Variants in OR5A2 observed in about 807,000 individuals in gnomAD.
OR5A2 encodes olfactory receptor 5A2.
For missense variants in OR5A2, 406 were observed against 398.9 expected (o/e 1.02, Z -0.15); for synonymous variants, 155 against 151.1 (o/e 1.03, Z -0.19).
Position 59,420,381 on chromosome 11 carries a change from C to T in OR5A2, c.*1598G>A, listed in dbSNP as rs1052436455. The T allele has an allele frequency of 3.9e-5, 6 of 152,068 alleles. No homozygotes were observed. The highest frequency in any genetic ancestry group is 1.4e-4 in the African/African-American group (6 of 41,424). The allele number at this position is 152,068 out of a possible 1,614,324, so 9.4% of individuals were successfully genotyped here. ...TGCAAAAATTACATTTCCTACCAAA[C>T]TAAGGAAATCTCTTCTATTTCTTCT... On this transcript the variant is annotated 3_prime_UTR_variant, in exon 2 of 2. Coordinates refer to ENST00000302040, the MANE Select transcript of OR5A2 (RefSeq NM_001001954.2).
chr11:59,422,322 G>C lies in OR5A2; in HGVS notation c.632C>G (p.Ser211Cys), dbSNP rs374142436. 1.9e-6 allele frequency: 3 copies of C among 1,614,102 alleles called. No homozygotes were observed. The highest frequency in any genetic ancestry group is 2.2e-5 in the East Asian group (1 of 44,856). The change falls in exon 2 of 2, where the codon TCT becomes TGT. Residue 211 changes from serine (S) to cysteine (C), a missense_variant. Transcript: ENST00000302040. ...FIVSVVVGIV[S>C]VLVVLISYGY... ...ATAAGAGATGAGGACCACTAGCACA[G>C]ACACTATTCCAACGACAACACTGAC...
chr11:59,422,493 A>C lies in OR5A2; in HGVS notation c.461T>G (p.Phe154Cys). 1.9e-6 allele frequency: 3 copies of C among 1,614,180 alleles called. No homozygotes were observed. The highest frequency in any genetic ancestry group is 2.5e-6 in the Non-Finnish European group (3 of 1,180,038). ...GTATGTTTCAATGAAAGAACTAAGGAATCCACCCACATAGGCGCCAACCAC... is the reference window on the plus strand; with the variant it reads ...GTATGTTTCAATGAAAGAACTAAGGCATCCACCCACATAGGCGCCAACCAC... ...KMVVGAYVGG[F>C]LSSFIETYSV... is the part of the protein sequence containing the mutation. The change falls in exon 2 of 2, where the codon TTC becomes TGC. Residue 154 changes from phenylalanine to cysteine, a missense_variant. Coordinates refer to ENST00000302040, the MANE Select transcript of OR5A2 (RefSeq NM_001001954.2).
In OR5A2 at chr11:59,420,173, C is replaced by T. The variant is rs995235462; in HGVS notation, c.*1806G>A. The T allele has an allele frequency of 6.6e-6, 1 of 152,070 alleles. No individual in the cohort carries two copies. The allele number at this position is 152,070 out of a possible 1,614,324, so 9.4% of individuals were successfully genotyped here. A position where few individuals can be genotyped will look rare whatever the true frequency, so the allele number is the denominator to read the frequency against. Reference sequence around the variant, plus strand: ...TTGGGCAAGATAAAAAAAATCAGAGCTTAGTCCTCAGGTAGCTACAGATGA... The same window carrying T: ...TTGGGCAAGATAAAAAAAATCAGAGTTTAGTCCTCAGGTAGCTACAGATGA... On this transcript the variant is annotated 3_prime_UTR_variant, in exon 2 of 2. Coordinates refer to ENST00000302040, the MANE Select transcript of OR5A2 (RefSeq NM_001001954.2).
At position 59,417,210 on chromosome 11, in the gene OR5A2, T is replaced by C. The variant is rs1434865870; in HGVS notation, c.*4769A>G. 1 of 151,970 alleles carries C rather than the reference T, an allele frequency of 6.6e-6. No homozygotes were observed. The highest frequency in any genetic ancestry group is 1.9e-4 in the East Asian group (1 of 5,156). The allele number at this position is 151,970 out of a possible 1,614,324, so 9.4% of individuals were successfully genotyped here. A position where few individuals can be genotyped will look rare whatever the true frequency, so the allele number is the denominator to read the frequency against. ...TTATAGAATGTGGTCCCACCCAAAG[T>C]GTGCGGTTAGTCTCTTCAACTAGAT... On this transcript the variant is annotated 3_prime_UTR_variant, in exon 2 of 2. Coordinates refer to ENST00000302040, the MANE Select transcript of OR5A2 (RefSeq NM_001001954.2).
At position 59,418,324 on chromosome 11, in the gene OR5A2, A is replaced by G. The variant is rs1283098132; in HGVS notation, c.*3655T>C. 1 of 152,154 alleles carries G rather than the reference A, an allele frequency of 6.6e-6. No individual in the cohort carries two copies. The highest frequency in any genetic ancestry group is 1.5e-5 in the Non-Finnish European group (1 of 68,014). The allele number at this position is 152,154 out of a possible 1,614,324, so 9.4% of individuals were successfully genotyped here. A position where few individuals can be genotyped will look rare whatever the true frequency, so the allele number is the denominator to read the frequency against. ...CCACTGGCGTAAGTTCAAGCTTGGC[A>G]GCTTTGTTCTTCACTGAAAATTAAA... On this transcript the variant is annotated 3_prime_UTR_variant, in exon 2 of 2. Transcript: ENST00000302040.
chr11:59,421,561 A>G lies in OR5A2; in HGVS notation c.*418T>C, dbSNP rs897900471. On this transcript the variant is annotated 3_prime_UTR_variant, in exon 2 of 2. Coordinates refer to ENST00000302040, the MANE Select transcript of OR5A2 (RefSeq NM_001001954.2). ...CTGTGGTTTTCATGAGCTCTAAGGA[A>G]ACCATTTGAGAATCTCAGAAGAGGG... is the stretch of plus-strand genomic sequence containing the variant. The G allele has an allele frequency of 1.8e-5, 3 of 164,990 alleles. No individual in the cohort carries two copies. The highest frequency in any genetic ancestry group is 4.0e-5 in the Non-Finnish European group (3 of 74,960). The allele number at this position is 164,990 out of a possible 1,614,324, so 10.2% of individuals were successfully genotyped here. A position where few individuals can be genotyped will look rare whatever the true frequency, so the allele number is the denominator to read the frequency against.
chr11:59,422,227 C>G lies in OR5A2; in HGVS notation c.727G>C (p.Ala243Pro), dbSNP rs1042835115. Residue 243 changes from alanine to proline, a missense_variant, in exon 2 of 2, where the codon GCC becomes CCC. By Grantham distance (27) the Ala-to-Pro change is conservative. Coordinates refer to ENST00000302040, the MANE Select transcript of OR5A2 (RefSeq NM_001001954.2). ...TGRTKAFSTC[A>P]SHLTAVTLFY... ...AGGGTCACAGCAGTCAGGTGAGAGG[C>G]ACAAGTGCTGAAGGCCTTTGTCCTA... 3.1e-6 allele frequency: 5 copies of G among 1,614,022 alleles called. No homozygotes were observed. Among genetic ancestry groups the G allele is most frequent in the Non-Finnish European group, 4.2e-6 (5 of 1,180,034 alleles).
In OR5A2 at chr11:59,422,753, C is replaced by T; in HGVS notation, c.201G>A (p.Leu67=). 1 of 1,614,076 alleles carries T rather than the reference C, an allele frequency of 6.2e-7. No individual in the cohort carries two copies. The highest frequency in any genetic ancestry group is 8.5e-7 in the Non-Finnish European group (1 of 1,180,010). The change falls in exon 2 of 2, where the codon CTG becomes CTA. Residue 67 remains leucine (L), a synonymous_variant. Transcript: ENST00000302040. Reference sequence around the variant, plus strand: ...ACACATAGCAGATGTCCAGGAAGGACAGGTTACTGAGGAAGAAGTACATGG... The same window carrying T: ...ACACATAGCAGATGTCCAGGAAGGATAGGTTACTGAGGAAGAAGTACATGG... ...HMPMYFFLSN[L]SFLDICYVSS... is the part of the protein sequence containing the mutation.
chr11:59,425,549 A>AG (rs754606338), intron 1 of OR5A2: 12 of 152,256 alleles, frequency 7.9e-5, no homozygotes, highest in South Asian at 2.1e-4. Flanking sequence ...CCTAGGCAAA[A>AG]GGGGGGTCTC....
intron 1 of OR5A2, chr11:59,425,096 G>T (rs1053665054): frequency 6.6e-6 from 1 of 152,194 alleles, no homozygotes; most frequent in African/African-American, 2.4e-5. Flanking sequence ...AATTGCAATG[G>T]AGAAAGAGTA....
intron 1 of OR5A2, chr11:59,425,657 A>T (rs1012443825): frequency 6.6e-6 from 1 of 152,220 alleles, no homozygotes; most frequent in African/African-American, 2.4e-5. Flanking sequence ...ATGGACAAAG[A>T]CAGCTTAAAG....
At position 59,420,352 on chromosome 11, in the gene OR5A2, C is replaced by A. The variant is rs898141008; in HGVS notation, c.*1627G>T. ...ATATCCTCTTTCTAATGCAATAAAGCCATTGCAAAAATTACATTTCCTACC... is the reference window on the plus strand; with the variant it reads ...ATATCCTCTTTCTAATGCAATAAAGACATTGCAAAAATTACATTTCCTACC... On this transcript the variant is annotated 3_prime_UTR_variant, in exon 2 of 2. Coordinates refer to ENST00000302040, the MANE Select transcript of OR5A2 (RefSeq NM_001001954.2). The A allele has an allele frequency of 6.6e-6, 1 of 152,010 alleles. No individual in the cohort carries two copies. The highest frequency in any genetic ancestry group is 2.1e-4 in the South Asian group (1 of 4,824). 9.4% of individuals were successfully genotyped at this position (152,010 alleles called of 1,614,324 possible).
Position 59,419,548 on chromosome 11 carries a change from G to T in OR5A2, c.*2431C>A, listed in dbSNP as rs534224749. ...GTCCTGAGAATATTCGCCCAAGGTG[G>T]TCGGGGTACAGCTTGGTTTTATATA... On this transcript the variant is annotated 3_prime_UTR_variant, in exon 2 of 2. Coordinates refer to ENST00000302040, the MANE Select transcript of OR5A2 (RefSeq NM_001001954.2). The T allele has an allele frequency of 6.6e-6, 1 of 152,282 alleles. No individual in the cohort carries two copies. The highest frequency in any genetic ancestry group is 1.9e-4 in the East Asian group (1 of 5,176). 9.4% of individuals were successfully genotyped at this position (152,282 alleles called of 1,614,324 possible).
rs1343299748 is a variant in OR5A2 at position 59,417,360 on chromosome 11, T to A, written c.*4619A>T. On this transcript the variant is annotated 3_prime_UTR_variant, in exon 2 of 2. Transcript: ENST00000302040. ...TATTTGCCTGTACAAAAGAGTGAACTCTTATCCCTGGCCAGGCCCACAAGC... is the reference window on the plus strand; with the variant it reads ...TATTTGCCTGTACAAAAGAGTGAACACTTATCCCTGGCCAGGCCCACAAGC... The A allele has an allele frequency of 6.6e-6, 1 of 151,976 alleles. No individual in the cohort carries two copies. Among genetic ancestry groups the A allele is most frequent in the Non-Finnish European group, 1.5e-5 (1 of 68,002 alleles). The allele number at this position is 151,976 out of a possible 1,614,324, so 9.4% of individuals were successfully genotyped here.
rs1298035748 is a variant in OR5A2, at chr11:59,421,217, GGAGA to G, written c.*758_*761del. On this transcript the variant is annotated 3_prime_UTR_variant, in exon 2 of 2. Coordinates refer to ENST00000302040, the MANE Select transcript of OR5A2 (RefSeq NM_001001954.2). ...AGCAAGAGAGAGAGGCAGAGTGAGA[GGAGA>G]GAGAAAGTGGCAGGGGATTGGTGGG... The G allele has an allele frequency of 6.6e-6, 1 of 152,408 alleles. No individual in the cohort carries two copies. The highest frequency in any genetic ancestry group is 1.5e-5 in the Non-Finnish European group (1 of 68,310). The allele number at this position is 152,408 out of a possible 1,614,324, so 9.4% of individuals were successfully genotyped here. A position where few individuals can be genotyped will look rare whatever the true frequency, so the allele number is the denominator to read the frequency against.
chr11:59,417,120 T>A lies in OR5A2; in HGVS notation c.*4859A>T, dbSNP rs573668336. The A allele has an allele frequency of 1.3e-5, 2 of 152,196 alleles. No homozygotes were observed. Among genetic ancestry groups the A allele is most frequent in the South Asian group, 4.1e-4 (2 of 4,828 alleles). 9.4% of individuals were successfully genotyped at this position (152,196 alleles called of 1,614,324 possible). A position where few individuals can be genotyped will look rare whatever the true frequency, so the allele number is the denominator to read the frequency against. ...TAGTTCCATCTCAGAAGAACGTGGC[T>A]TTGAACACAAGATGAATTCTCTGTT... On this transcript the variant is annotated 3_prime_UTR_variant, in exon 2 of 2. Coordinates refer to ENST00000302040, the MANE Select transcript of OR5A2 (RefSeq NM_001001954.2).
Position 59,421,535 on chromosome 11 carries a change from C to A in OR5A2, c.*444G>T. 1 of 159,160 alleles carries A rather than the reference C, an allele frequency of 6.3e-6. No homozygotes were observed. The highest frequency in any genetic ancestry group is 1.8e-4 in the East Asian group (1 of 5,524). The allele number at this position is 159,160 out of a possible 1,614,324, so 9.9% of individuals were successfully genotyped here. On this transcript the variant is annotated 3_prime_UTR_variant, in exon 2 of 2. Coordinates refer to ENST00000302040, the MANE Select transcript of OR5A2 (RefSeq NM_001001954.2). ...TTCTGAAACATGGGAAGGTATCTGC[C>A]CTGTGGTTTTCATGAGCTCTAAGGA...
In OR5A2 at chr11:59,426,277, C is replaced by T. The variant is rs1342126091; in HGVS notation, c.-198G>A. The T allele has an allele frequency of 1.3e-5, 2 of 152,166 alleles. No individual in the cohort carries two copies. The highest frequency in any genetic ancestry group is 2.9e-5 in the Non-Finnish European group (2 of 68,030). The allele number at this position is 152,166 out of a possible 1,614,324, so 9.4% of individuals were successfully genotyped here. A position where few individuals can be genotyped will look rare whatever the true frequency, so the allele number is the denominator to read the frequency against. On this transcript the variant is annotated 5_prime_UTR_variant, in exon 1 of 2. The change creates a premature stop within an existing upstream ORF in the 5' untranslated region. Coordinates refer to ENST00000302040, the MANE Select transcript of OR5A2 (RefSeq NM_001001954.2). ...TTGCAAACCAGATCATCTGCATTTC[C>T]CACTGCTCCATGGCTGGTTTCTCGT...
Position 59,422,828 on chromosome 11 carries a change from C to T in OR5A2, c.126G>A (p.Trp42Ter), listed in dbSNP as rs867747217. The T allele has an allele frequency of 1.2e-6, 2 of 1,614,096 alleles. No homozygotes were observed. The highest frequency in any genetic ancestry group is 1.7e-6 in the Non-Finnish European group (2 of 1,180,024). The change falls in exon 2 of 2, where the codon TGG (tryptophan) becomes TGA (stop). Residue 42 changes from tryptophan to a stop codon, truncating the protein, a stop_gained. Coordinates refer to ENST00000302040, the MANE Select transcript of OR5A2 (RefSeq NM_001001954.2). LOFTEE classifies it low-confidence loss of function (END_TRUNC). ...FLGLYLLTLA[W>*]NLSLIALIKM... ...TAATGAGGGCAATGAGGCTTAAGTT[C>T]CAGGCCAACGTCAGGAGGTAGAGCC...
Sources: gnomAD v4.1 joint callset for allele counts on GRCh38, gnomAD v4.1.1 for gene constraint, MANE v1.5 for transcripts, NCBI Gene and HGNC (gene_info 2026-07-23, HGNC 2026-07-21) for gene names.